EPB41L3: variants seen among roughly 807,000 people sequenced by gnomAD.
The protein encoded by EPB41L3 is erythrocyte membrane protein band 4.1 like 3.
A neutral mutation model predicts 127.1 loss-of-function variants in EPB41L3; 57 were observed. That is an observed-to-expected ratio of 0.45 (90% CI 0.36 to 0.56). The LOEUF is 0.56. EPB41L3 is among the 20% of genes least tolerant of loss of function. The pLI, the probability that EPB41L3 is intolerant of heterozygous loss-of-function variation, is 0.00. For missense variants in EPB41L3, 1,273 were observed against 1,372.2 expected (o/e 0.93, Z 1.14); for synonymous variants, 572 against 549.5 (o/e 1.04, Z -0.57).
intron 1 of EPB41L3, among the ~76,000 whole-genome samples, chr18:5,510,657 C>T (rs977842677): frequency 4.6e-5 from 7 of 152,204 alleles, no homozygotes; most frequent in Admixed American, 2.0e-4. Context: ...ATTCTTGGAA[C>T]GTCTGCGGCA....
chr18:5,606,593 G>A (rs563770266), intron 3 of EPB41L3, among the ~76,000 whole-genome samples: 1 of 152,008 alleles, frequency 6.6e-6, no homozygotes, highest in Admixed American at 6.6e-5. Flanking sequence ...CTATTTATTT[G>A]GTGGTCATAA....
intron 3 of EPB41L3, among the ~76,000 whole-genome samples, chr18:5,564,867 C>A (rs1700970162): frequency 6.6e-6 from 1 of 152,070 alleles, no homozygotes; most frequent in African/African-American, 2.4e-5. Context: ...AGATACTGGA[C>A]AATGCAAGGT....
chr18:5,617,060 A>G (rs2094803707), intron 1 of EPB41L3, among the ~76,000 whole-genome samples: 1 of 152,184 alleles, frequency 6.6e-6, no homozygotes, highest in Admixed American at 6.5e-5. Flanking sequence ...ATATTATTGT[A>G]TCAATTTACC....
At chr18:5,498,591 T>A (rs1299379778) in intron 1 of EPB41L3, among the ~76,000 whole-genome samples, 2 of 748 alleles carry the variant, frequency 2.7e-3, no homozygotes, top group East Asian at 0.045. Context: ...CGAGACTCCA[T>A]CTCAAAAAAA....
intron 19 of EPB41L3, among the ~76,000 whole-genome samples, 200 bp downstream of exon 19, chr18:5,396,001 A>G (rs1490904630): frequency 6.6e-6 from 1 of 152,216 alleles, no homozygotes; most frequent in Non-Finnish European, 1.5e-5. Context: ...TTCAAGACAC[A>G]TAAAGACTTG....
At chr18:5,459,806 T>C (rs2083676645) in intron 3 of EPB41L3, among the ~76,000 whole-genome samples, 1 of 152,276 alleles carries the variant, frequency 6.6e-6, no homozygotes, top group Admixed American at 6.5e-5. Flanking sequence ...GTATCCTTTT[T>C]TTCTAAAATA....
At chr18:5,418,899 T>C (rs2144937360) in intron 12 of EPB41L3, among the ~76,000 whole-genome samples, 1 of 152,310 alleles carries the variant, frequency 6.6e-6, no homozygotes, top group South Asian at 2.1e-4. Flanking sequence ...CCATGGGTTA[T>C]TATGAGCATT....
chr18:5,418,903 G>C (rs1216181631), intron 12 of EPB41L3, among the ~76,000 whole-genome samples: 1 of 152,218 alleles, frequency 6.6e-6, no homozygotes, highest in African/African-American at 2.4e-5. Flanking sequence ...GGGTTATTAT[G>C]AGCATTTTCA....
intron 1 of EPB41L3, among the ~76,000 whole-genome samples, chr18:5,530,607 C>T (rs11661729): frequency 0.011 from 1,680 of 152,246 alleles, 13 homozygotes; most frequent in Non-Finnish European, 0.018. Flanking sequence ...CTCCCTCTTT[C>T]CTCCTGGCCT....
intron 1 of EPB41L3, among the ~76,000 whole-genome samples, chr18:5,495,412 A>C (rs1051992597): frequency 6.4e-5 from 9 of 140,234 alleles, no homozygotes; most frequent in African/African-American, 8.9e-5. Flanking sequence ...AAAAAAAAAA[A>C]AAAAAACTAA....
At chr18:5,528,048 T>C (rs1005822321) in intron 1 of EPB41L3, among the ~76,000 whole-genome samples, 2 of 152,200 alleles carry the variant, frequency 1.3e-5, no homozygotes, top group African/African-American at 4.8e-5. Flanking sequence ...GAAATAGTGA[T>C]GTGGGAAGGA....
intron 3 of EPB41L3, among the ~76,000 whole-genome samples, chr18:5,568,420 T>C (rs1211513401): frequency 8.8e-6 from 1 of 113,844 alleles, no homozygotes; most frequent in Non-Finnish European, 1.8e-5. Context: ...CCAATTCCTC[T>C]GGATAGTAAA....
intron 1 of EPB41L3, among the ~76,000 whole-genome samples, chr18:5,520,525 C>A (rs2092943128): frequency 6.7e-6 from 1 of 148,294 alleles, no homozygotes; most frequent in African/African-American, 2.5e-5. Flanking sequence ...CAAGTTGTAT[C>A]ACCCATGCTC....
chr18:5,600,464 T>G (rs890269088), intron 3 of EPB41L3, among the ~76,000 whole-genome samples: 1 of 152,180 alleles, frequency 6.6e-6, no homozygotes, highest in Non-Finnish European at 1.5e-5. Flanking sequence ...TTATAAAATA[T>G]CAGTCTTTTG....
chr18:5,577,498 T>C, intron 3 of EPB41L3: 2 of 329,828 alleles, frequency 6.1e-6, no homozygotes, highest in South Asian at 4.8e-5. Context: ...AGCAATTGCT[T>C]TCTATCACAT....
At chr18:5,585,943 T>C (rs887913454) in intron 3 of EPB41L3, among the ~76,000 whole-genome samples, 1 of 152,216 alleles carries the variant, frequency 6.6e-6, no homozygotes, top group Admixed American at 6.5e-5. Context: ...AATGACCTTC[T>C]ACGAAGTCAG....
At chr18:5,612,421 T>C (rs752561047) in exon 3 of EPB41L3, 1 of 152,254 alleles carries the variant, frequency 6.6e-6, no homozygotes, top group Non-Finnish European at 1.5e-5. Context: ...TCCCGTTCTA[T>C]GCGAATCCTG....
chr18:5,562,802 A>C (rs959506864), intron 3 of EPB41L3, among the ~76,000 whole-genome samples: 5 of 152,186 alleles, frequency 3.3e-5, no homozygotes, highest in African/African-American at 1.2e-4. Flanking sequence ...ATCCCATCAG[A>C]GCCCTCTGAT....
intron 16 of EPB41L3, chr18:5,400,759 A>C (rs2074374825): frequency 7.0e-6 from 4 of 569,896 alleles, no homozygotes; most frequent in Non-Finnish European, 3.1e-6. Context: ...AGCTTGGATT[A>C]GAAGCCATGA....
Sources: allele counts gnomAD v4.1 joint callset (sites outside exome capture counted in the v4.1 genomes callset), GRCh38; gene constraint gnomAD v4.1.1; transcripts MANE v1.5; gene names NCBI Gene and HGNC (gene_info 2026-07-23, HGNC 2026-07-21).